ULK2: variants seen among roughly 807,000 people sequenced by gnomAD.
ULK2 encodes unc-51 like autophagy activating kinase 2, also known as serine/threonine-protein kinase ULK2.
In ULK2, 76 loss-of-function variants were observed where a neutral mutation model predicts 127.5. That is an observed-to-expected ratio of 0.60 (90% CI 0.50 to 0.72). The LOEUF is 0.72. Ranked by LOEUF, ULK2 falls within the 30% of genes least tolerant of loss-of-function variation. The pLI, the probability that ULK2 is intolerant of heterozygous loss-of-function variation, is 0.00. For synonymous variants in ULK2, 452 were observed against 461.9 expected, an observed-to-expected ratio of 0.98 and a Z score of 0.28; for missense variants, 1,144 against 1,295.9, an observed-to-expected ratio of 0.88 and a Z score of 1.80.
chr17:19,799,354 A>G (rs1227698044), intron 17 of ULK2, 141 bp downstream of exon 17: 2 of 662,812 alleles, frequency 3.0e-6, no homozygotes, highest in African/African-American at 1.9e-5. Context: ...ATTAAACCAC[A>G]TTAGACCAAG....
chr17:19,785,997 G>A lies in ULK2; in HGVS notation c.2191C>T (p.Pro731Ser). The A allele has an allele frequency of 6.3e-7, 1 of 1,590,226 alleles. No homozygotes were observed. The highest frequency in any genetic ancestry group is 2.3e-5 in the East Asian group (1 of 42,894). The change falls in exon 21 of 27, where the codon CCA becomes TCA. Residue 731 changes from proline to serine, a missense_variant. Transcript: ENST00000395544. ...CAAGTGGGGGCTGCCGCACTGTGTGGAGGAGACCCTACAGTGAAGAGGACA... is the reference window on the plus strand; with the variant it reads ...CAAGTGGGGGCTGCCGCACTGTGTGAAGGAGACCCTACAGTGAAGAGGACA... ...KAVLFTVGSP[P>S]HSAAAPTCTH...
intron 10 of ULK2, among the ~76,000 whole-genome samples, chr17:19,827,198 C>T (rs1441189973): frequency 6.6e-6 from 1 of 152,172 alleles, no homozygotes; most frequent in African/African-American, 2.4e-5. Flanking sequence ...GAAACAATTA[C>T]AGCTATCCTC....
At chr17:19,829,915 T>A (rs1037554923) in intron 10 of ULK2, among the ~76,000 whole-genome samples, 3 of 147,568 alleles carry the variant, frequency 2.0e-5, no homozygotes, top group African/African-American at 7.5e-5. Flanking sequence ...TTATAAACAA[T>A]CAGAGCCCCA....
At chr17:19,790,603 A>G (rs2087131412) in intron 20 of ULK2, among the ~76,000 whole-genome samples, 1 of 152,146 alleles carries the variant, frequency 6.6e-6, no homozygotes, top group South Asian at 2.1e-4. Context: ...GGAAGGAAAA[A>G]GAAGACCAGA....
At chr17:19,835,010 C>A (rs910891137) in intron 10 of ULK2, among the ~76,000 whole-genome samples, 1 of 151,992 alleles carries the variant, frequency 6.6e-6, no homozygotes, top group Non-Finnish European at 1.5e-5. Flanking sequence ...ATAAAGCAAT[C>A]GTCCTAACAC....
At chr17:19,842,190 C>CTTTTTTTTTTTTTTTT (rs869294657) in intron 8 of ULK2, among the ~76,000 whole-genome samples, 3 of 88,378 alleles carry the variant, frequency 3.4e-5, no homozygotes, top group Non-Finnish European at 6.6e-5. Context: ...TTTTCTTTTT[C>CTTTTTTTTTTTTTTTT]TTTTTTTTTT....
At chr17:19,815,568 A>AC (rs2040968435) in intron 13 of ULK2, among the ~76,000 whole-genome samples, 1 of 152,252 alleles carries the variant, frequency 6.6e-6, no homozygotes, top group Non-Finnish European at 1.5e-5. Context: ...GGCGTAAGCC[A>AC]CTGCGCCCAG....
chr17:19,796,337 C>A, intron 18 of ULK2, 55 bp from the exon 19 acceptor site: 1 of 1,462,170 alleles, frequency 6.8e-7, no homozygotes, highest in Non-Finnish European at 9.1e-7. Flanking sequence ...GATGCATGAA[C>A]TATTCAGTAC....
At chr17:19,838,439 A>C in intron 10 of ULK2, 62 bp downstream of exon 10, 1 of 1,411,316 alleles carries the variant, frequency 7.1e-7, no homozygotes, top group Non-Finnish European at 9.7e-7. Flanking sequence ...CTAGTTTTTA[A>C]ATCTTTCGGC....
intron 2 of ULK2, among the ~76,000 whole-genome samples, 169 bp downstream of exon 2, chr17:19,865,567 T>C (rs1430701027): frequency 6.6e-6 from 1 of 152,142 alleles, no homozygotes; most frequent in East Asian, 1.9e-4. Flanking sequence ...TTCTTAAAAA[T>C]AGCTTCCGAG....
chr17:19,839,046 A>T (rs1419488712), intron 9 of ULK2, among the ~76,000 whole-genome samples: 1 of 151,614 alleles, frequency 6.6e-6, no homozygotes, highest in Non-Finnish European at 1.5e-5. Context: ...AAAAAAAAGA[A>T]GGAAAAAAAG....
intron 5 of ULK2, 120 bp from the exon 6 acceptor site, chr17:19,847,030 C>A (rs1415805359): frequency 3.3e-6 from 3 of 914,346 alleles, no homozygotes; most frequent in South Asian, 4.8e-5. Context: ...TTTGGATTCA[C>A]ATTTATTTAT....
chr17:19,776,063 C>T lies in ULK2; in HGVS notation c.*286G>A. ...TTTAAGAATAACTGTACCGATTATC[C>T]TAGTTCTAAGGTACATTTATTCACC... On this transcript the variant is annotated 3_prime_UTR_variant, in exon 27 of 27. Transcript: ENST00000395544. 2.6e-6 allele frequency: 1 copy of T among 390,214 alleles called. No individual in the cohort carries two copies. The highest frequency in any genetic ancestry group is 5.6e-5 in the South Asian group (1 of 18,004). 24.2% of individuals were successfully genotyped at this position (390,214 alleles called of 1,614,324 possible).
chr17:19,853,118 CA>C (rs2042052987), intron 3 of ULK2, among the ~76,000 whole-genome samples: 1 of 149,872 alleles, frequency 6.7e-6, no homozygotes, highest in South Asian at 2.1e-4. Flanking sequence ...TTTAAAGTGA[CA>C]TTTTTTTAAA....
chr17:19,824,561 C>T (rs1199600544), intron 12 of ULK2, among the ~76,000 whole-genome samples: 1 of 145,884 alleles, frequency 6.9e-6, no homozygotes, highest in Non-Finnish European at 1.5e-5. Flanking sequence ...TGGGAGGGAA[C>T]ACAGCCATGA....
intron 13 of ULK2, among the ~76,000 whole-genome samples, chr17:19,814,439 T>TATATATATACACACATATATA (rs1491246393): frequency 0.038 from 378 of 9,938 alleles, 6 homozygotes; most frequent in African/African-American, 0.076. Flanking sequence ...TATATATATA[T>TATATATATACACACATATATA]TTTTTTTTTT....
chr17:19,854,456 C>T (rs2042081955), intron 3 of ULK2, among the ~76,000 whole-genome samples: 1 of 152,060 alleles, frequency 6.6e-6, no homozygotes, highest in Non-Finnish European at 1.5e-5. Flanking sequence ...AATTGATTCT[C>T]ACCTAATCTG....
intron 8 of ULK2, among the ~76,000 whole-genome samples, chr17:19,842,850 A>C (rs1308665178): frequency 1.3e-5 from 2 of 152,090 alleles, no homozygotes; most frequent in Non-Finnish European, 2.9e-5. Context: ...TGGTGTCACC[A>C]TTCACACCCA....
At position 19,849,743 on chromosome 17, in the gene ULK2, T is replaced by A. The variant is rs1253119703; in HGVS notation, c.257A>T (p.Glu86Val). 1 of 1,527,772 alleles carries A rather than the reference T, an allele frequency of 6.5e-7. No individual in the cohort carries two copies. Among genetic ancestry groups the A allele is most frequent in the Admixed American group, 2.0e-5 (1 of 49,142 alleles). 94.6% of individuals were successfully genotyped at this position (1,527,772 alleles called of 1,614,324 possible). The part of the protein sequence containing the change: ...ELPNSVFLVM[E>V]YCNGGDLADY... The stretch of plus-strand genomic sequence containing the variant: ...AACAGAAGTTTGTATACTACCTACC[T>A]CCATCACCAAAAAGACAGAGTTGGG... Residue 86 changes from glutamate (E) to valine (V), a missense_variant and splice_region_variant, in exon 4 of 27, where the codon GAG becomes GTG. Physicochemically the swap from Glu to Val is moderately radical, Grantham distance 121 (BLOSUM62 -2). This residue lies in a region of ULK2 where 231 missense variants were observed against 325.4 expected (regional missense o/e 0.71). Transcript: ENST00000395544.
Sources: gnomAD v4.1 joint callset for allele counts (sites outside exome capture counted in the v4.1 genomes callset) on GRCh38, gnomAD v4.1.1 for gene constraint, gnomAD v4.1.1 regional missense constraint, MANE v1.5 for transcripts, NCBI Gene and HGNC (gene_info 2026-07-23, HGNC 2026-07-21) for gene names.